YAF2: variants seen among roughly 807,000 people sequenced by gnomAD.
The protein encoded by YAF2 is YY1 associated factor 2.
In YAF2, 7 loss-of-function variants were observed where a neutral mutation model predicts 20.1. That is an observed-to-expected ratio of 0.35 (90% CI 0.20 to 0.65). YAF2 has a LOEUF of 0.65. Ranked by LOEUF, YAF2 falls within the 30% of genes least tolerant of loss-of-function variation. The probability of loss-of-function intolerance (pLI) is 0.69; values close to 1 mark genes in which losing one functional copy is unlikely to be tolerated. For synonymous variants in YAF2, 74 were observed against 76.0 expected (o/e 0.97, Z 0.14); for missense variants, 151 against 219.2 (o/e 0.69, Z 1.96).
At chr12:42,207,720 G>A (rs712130) in intron 2 of YAF2, among the ~76,000 whole-genome samples, 106,388 of 151,792 alleles carry the variant, frequency 0.7, 38,231 homozygotes, top group African/African-American at 0.87. Flanking sequence ...GTGAAACCCC[G>A]TCTCTACTAA....
chr12:42,226,105 T>C (rs368282782), intron 2 of YAF2, among the ~76,000 whole-genome samples: 1 of 152,216 alleles, frequency 6.6e-6, no homozygotes, highest in Admixed American at 6.5e-5. Flanking sequence ...CCCTTGTAAG[T>C]TGTATTCCTA....
chr12:42,206,406 C>T (rs964350135), intron 2 of YAF2, among the ~76,000 whole-genome samples: 9 of 151,376 alleles, frequency 5.9e-5, no homozygotes, highest in Admixed American at 2.6e-4. Context: ...GTCAGGAGTT[C>T]GAGACCAGCT....
At chr12:42,186,212 G>T (rs1234491896) in intron 2 of YAF2, among the ~76,000 whole-genome samples, 3 of 59,884 alleles carry the variant, frequency 5.0e-5, no homozygotes, top group African/African-American at 2.3e-4. Context: ...AAAAAAAAAA[G>T]GCTGGGCTTG....
chr12:42,228,091 T>C (rs2067810064), intron 2 of YAF2, among the ~76,000 whole-genome samples: 1 of 76,974 alleles, frequency 1.3e-5, no homozygotes, highest in Non-Finnish European at 2.5e-5. Flanking sequence ...CAGCCGCCCC[T>C]ACTGGGAAGT....
At chr12:42,163,907 C>T (rs2065853659) in intron 2 of YAF2, among the ~76,000 whole-genome samples, 1 of 152,220 alleles carries the variant, frequency 6.6e-6, no homozygotes, top group South Asian at 2.1e-4. Context: ...TTTGTGATCC[C>T]TTTTCTATTT....
At chr12:42,186,189 C>CAAAAAA (rs58514363) in intron 2 of YAF2, among the ~76,000 whole-genome samples, 1 of 62,558 alleles carries the variant, frequency 1.6e-5, no homozygotes, top group African/African-American at 6.9e-5. Flanking sequence ...AACTCTGTCT[C>CAAAAAA]AAAAAAAAAA....
At chr12:42,193,171 C>T (rs1286681973) in intron 2 of YAF2, among the ~76,000 whole-genome samples, 2 of 151,798 alleles carry the variant, frequency 1.3e-5, no homozygotes, top group African/African-American at 2.4e-5. Flanking sequence ...AAAAATTAGC[C>T]GGGTGTGGTG....
At chr12:42,227,144 C>T (rs919161955) in intron 2 of YAF2, among the ~76,000 whole-genome samples, 2 of 145,728 alleles carry the variant, frequency 1.4e-5, no homozygotes, top group South Asian at 2.2e-4. Flanking sequence ...CGGCGAGCGC[C>T]GCCCGGGAGG....
rs147514758 is a variant in YAF2, at chr12:42,226,861, C to T, written c.152+10738G>A. 5.7e-3 allele frequency among the ~76,000 whole-genome samples: 853 copies of T among 149,188 alleles called. 6 individuals carry two copies. The highest frequency in any genetic ancestry group is 0.02 in the African/African-American group (806 of 41,154). On this transcript the variant is annotated intron_variant, in intron 2 of 3. Coordinates refer to ENST00000534854, the MANE Select transcript of YAF2 (RefSeq NM_005748.6). ...ACATCTTGAGAGGAGGTCGCGGCGC[C>T]GGAGGCCCCAGAAGGCTCGAAGGCG...
chr12:42,185,204 A>AC (rs2066441890), intron 2 of YAF2, among the ~76,000 whole-genome samples: 1 of 152,060 alleles, frequency 6.6e-6, no homozygotes, highest in South Asian at 2.1e-4. Context: ...AAACAAACAA[A>AC]AAAACAGAAC....
At position 42,214,089 on chromosome 12, in the gene YAF2, A is replaced by C. The variant is rs1484679681; in HGVS notation, c.152+23510T>G. Among the ~76,000 whole-genome samples the C allele has an allele frequency of 2.0e-5, 3 of 152,178 alleles. 1 individual carries two copies. Among genetic ancestry groups the C allele is most frequent in the Non-Finnish European group, 4.4e-5 (3 of 68,022 alleles). ...CATTAAATGGCTTGTTACACTTCCA[A>C]TAAAATCTCAGTGTCATATCATTTA... On this transcript the variant is annotated intron_variant, in intron 2 of 3. Transcript: ENST00000534854.
chr12:42,182,644 CA>C (rs1169183764), intron 2 of YAF2, among the ~76,000 whole-genome samples: 3 of 152,138 alleles, frequency 2.0e-5, no homozygotes, highest in African/African-American at 7.2e-5. Context: ...AATTGGCAAT[CA>C]AAAATACACT....
chr12:42,166,370 T>C (rs1417274734), intron 2 of YAF2, among the ~76,000 whole-genome samples: 2 of 152,248 alleles, frequency 1.3e-5, no homozygotes, highest in Non-Finnish European at 2.9e-5. Context: ...CATTTGTAGA[T>C]GAGGTACACA....
intron 2 of YAF2, among the ~76,000 whole-genome samples, chr12:42,177,854 C>T (rs1047049239): frequency 3.3e-5 from 5 of 152,116 alleles, no homozygotes; most frequent in Non-Finnish European, 7.4e-5. Flanking sequence ...CTTAATCTGA[C>T]ACAAAACAGC....
chr12:42,214,199 T>C (rs10492388), intron 2 of YAF2, among the ~76,000 whole-genome samples: 53,652 of 152,118 alleles, frequency 0.35, 9,794 homozygotes, highest in South Asian at 0.48. Flanking sequence ...GCACTAGTCT[T>C]TGCTCAATGT....
At chr12:42,163,320 T>C (rs2065840756) in intron 2 of YAF2, among the ~76,000 whole-genome samples, 1 of 152,212 alleles carries the variant, frequency 6.6e-6, no homozygotes, top group Admixed American at 6.5e-5. Flanking sequence ...AGTCTGATTT[T>C]ATCCTTAAGT....
intron 2 of YAF2, among the ~76,000 whole-genome samples, chr12:42,228,625 G>A (rs1262435761): frequency 2.2e-5 from 2 of 91,414 alleles, no homozygotes; most frequent in African/African-American, 5.7e-5. Context: ...TCAGCCCCCC[G>A]CCCGGCCAGC....
intron 2 of YAF2, among the ~76,000 whole-genome samples, chr12:42,188,777 T>C (rs2066538923): frequency 6.6e-6 from 1 of 151,920 alleles, no homozygotes; most frequent in South Asian, 2.1e-4. Context: ...AAAGCAAAAG[T>C]TCACTGTTGA....
At chr12:42,218,525 T>C (rs954869688) in intron 2 of YAF2, among the ~76,000 whole-genome samples, 2 of 152,182 alleles carry the variant, frequency 1.3e-5, no homozygotes, top group African/African-American at 2.4e-5. Flanking sequence ...TGTATGTGTC[T>C]TTTAAAAAAT....
Sources: gnomAD v4.1 joint callset for allele counts (sites outside exome capture counted in the v4.1 genomes callset) on GRCh38, gnomAD v4.1.1 for gene constraint, MANE v1.5 for transcripts, NCBI Gene and HGNC (gene_info 2026-07-23, HGNC 2026-07-21) for gene names.